Variants in ARFGAP3 observed in about 807,000 individuals in gnomAD.
The protein encoded by ARFGAP3 is ARF GTPase activating protein 3.
A neutral mutation model predicts 75.0 loss-of-function variants in ARFGAP3; 72 were observed. That is an observed-to-expected ratio of 0.96 (90% confidence interval 0.79 to 1.17). ARFGAP3 has a LOEUF of 1.17. Ranked by LOEUF, ARFGAP3 falls within the 50% of genes most tolerant of loss-of-function variation. The pLI, the probability that ARFGAP3 is intolerant of heterozygous loss-of-function variation, is 0.00. For synonymous variants in ARFGAP3, 221 were observed against 217.9 expected (o/e 1.01, Z -0.13); for missense variants, 620 against 626.6 (o/e 0.99, Z 0.11).
Position 42,799,162 on chromosome 22 carries a change from T to C in ARFGAP3, c.1412-2A>G. On this transcript the variant is annotated splice_acceptor_variant, in intron 14 of 15. Coordinates refer to ENST00000263245, the MANE Select transcript of ARFGAP3 (RefSeq NM_014570.5). LOFTEE classifies it high-confidence loss of function. ...GCACACTGGACAGGCTGTAGTTCCCTGCACACACACAGCAGACACTGTCTC... is the reference window on the plus strand; with the variant it reads ...GCACACTGGACAGGCTGTAGTTCCCCGCACACACACAGCAGACACTGTCTC... 1 of 1,613,982 alleles carries C rather than the reference T, an allele frequency of 6.2e-7. No homozygotes were observed. Among genetic ancestry groups the C allele is most frequent in the Non-Finnish European group, 8.5e-7 (1 of 1,179,940 alleles).
At chr22:42,809,703 T>C (rs1453709377) in intron 12 of ARFGAP3, among the ~76,000 whole-genome samples, 3 of 152,106 alleles carry the variant, frequency 2.0e-5, no homozygotes, top group East Asian at 1.9e-4. Flanking sequence ...AAATAATACC[T>C]TAAAATTGGG....
chr22:42,834,405 A>G, intron 4 of ARFGAP3, 80 bp from the exon 5 acceptor site: 1 of 1,556,714 alleles, frequency 6.4e-7, no homozygotes, highest in Non-Finnish European at 8.7e-7. Flanking sequence ...CACTTCCCTT[A>G]GAGACCTGTT....
chr22:42,833,584 C>G (rs1333763652), intron 5 of ARFGAP3, among the ~76,000 whole-genome samples: 1 of 152,176 alleles, frequency 6.6e-6, no homozygotes, highest in Non-Finnish European at 1.5e-5. Flanking sequence ...GGTGAAACCT[C>G]GTCTCTACTA....
At chr22:42,826,904 A>G (rs745717241) in intron 7 of ARFGAP3, 36 bp downstream of exon 7, 15 of 1,591,176 alleles carry the variant, frequency 9.4e-6, no homozygotes, top group African/African-American at 1.3e-5. Context: ...TGAGTCATAC[A>G]CTTTAAATCA....
rs558485093 is a variant in ARFGAP3 at position 42,805,962 on chromosome 22, AGT to A, written c.1411+1109_1411+1110del. Among the ~76,000 whole-genome samples the A allele has an allele frequency of 3.3e-3, 500 of 152,344 alleles. 4 individuals are homozygous for A. Among genetic ancestry groups the A allele is most frequent in the African/African-American group, 0.012 (485 of 41,582 alleles). On this transcript the variant is annotated intron_variant, in intron 14 of 15. Transcript: ENST00000263245. ...GTGCCCACTGCACCCCGAGGGCCAC[AGT>A]GTGTCTCTATAACATCCCCAAACCA...
intron 1 of ARFGAP3, among the ~76,000 whole-genome samples, chr22:42,856,105 T>C (rs1318176018): frequency 2.6e-5 from 4 of 152,088 alleles, no homozygotes; most frequent in Admixed American, 6.6e-5. Flanking sequence ...CACTGGAGAA[T>C]TCCTGGAGCC....
chr22:42,804,758 C>T lies in ARFGAP3; in HGVS notation c.1411+2315G>A, dbSNP rs529269980. The stretch of plus-strand genomic sequence containing the variant: ...CTTGAACTCTCGACCTCAGGTGATC[C>T]GCCTACCTCGGCCTCCCAAAGTGTT... On this transcript the variant is annotated intron_variant, in intron 14 of 15. Transcript: ENST00000263245. Among the ~76,000 whole-genome samples, 8 of 152,208 alleles carry T rather than the reference C, an allele frequency of 5.3e-5. No individual in the cohort carries two copies. The East Asian group carries it at 1.2e-3, about 22-fold the overall frequency.
chr22:42,850,700 C>A (rs1324641773), intron 1 of ARFGAP3, among the ~76,000 whole-genome samples: 1 of 149,640 alleles, frequency 6.7e-6, no homozygotes, highest in African/African-American at 2.5e-5. Flanking sequence ...AAGGGCAATA[C>A]AAGAGAGGAA....
Position 42,834,258 on chromosome 22 carries a change from GA to G in ARFGAP3, c.460del (p.Ser154LeufsTer7). On this transcript the variant is annotated frameshift_variant, in exon 5 of 16. Transcript: ENST00000263245. LOFTEE classifies it high-confidence loss of function. ...PPPKEEDFFA[S>X]HVSPEVSDTA... ...AATACATACCTCAGGAGAAACGTGA[GA>G]GGCAAAAAAATCTTCCTCCTTTGGT... The G allele has an allele frequency of 1.2e-6, 2 of 1,613,876 alleles. No homozygotes were observed. Among genetic ancestry groups the G allele is most frequent in the Non-Finnish European group, 1.7e-6 (2 of 1,179,958 alleles).
At chr22:42,823,479 A>G (rs183250805) in intron 8 of ARFGAP3, among the ~76,000 whole-genome samples, 177 bp downstream of exon 8, 255 of 152,102 alleles carry the variant, frequency 1.7e-3, no homozygotes, top group Non-Finnish European at 2.4e-3. Flanking sequence ...AAAAAATTCA[A>G]TAAGTATAAC....
At chr22:42,838,865 C>T (rs1471740094) in intron 3 of ARFGAP3, among the ~76,000 whole-genome samples, 1 of 151,958 alleles carries the variant, frequency 6.6e-6, no homozygotes, top group Non-Finnish European at 1.5e-5. Flanking sequence ...AATCCCAGCA[C>T]TCTGGGAGGC....
chr22:42,800,979 T>G (rs1447324053), intron 14 of ARFGAP3, among the ~76,000 whole-genome samples: 1 of 152,204 alleles, frequency 6.6e-6, no homozygotes. Flanking sequence ...CAGACCTGCT[T>G]TTCCACAGCT....
At chr22:42,847,333 T>C in intron 2 of ARFGAP3, 181 bp downstream of exon 2, 1 of 547,882 alleles carries the variant, frequency 1.8e-6, no homozygotes. Flanking sequence ...CACCACAACA[T>C]TTTTTATTTT....
intron 2 of ARFGAP3, 35 bp downstream of exon 2, chr22:42,847,479 A>G (rs1927072233): frequency 6.4e-7 from 1 of 1,556,322 alleles, no homozygotes; most frequent in South Asian, 1.1e-5. Context: ...TAACAATGTA[A>G]TCAATCTCAC....
rs891760368 is a variant in ARFGAP3, at chr22:42,845,993, G to A, written c.188+1521C>T. ...GTGGAGGTTGCAGTGAGCTGAGATCGCGCCATTGCACTCCAGCTTGGGCGA... is the reference window on the plus strand; with the variant it reads ...GTGGAGGTTGCAGTGAGCTGAGATCACGCCATTGCACTCCAGCTTGGGCGA... On this transcript the variant is annotated intron_variant, in intron 2 of 15. Coordinates refer to ENST00000263245, the MANE Select transcript of ARFGAP3 (RefSeq NM_014570.5). 8.5e-5 allele frequency among the ~76,000 whole-genome samples: 12 copies of A among 140,838 alleles called. No individual in the cohort carries two copies. The South Asian group carries it at 1.3e-3, about 16-fold the overall frequency. 92.4% of individuals were successfully genotyped at this position (140,838 alleles called of 152,430 possible).
chr22:42,815,753 G>A (rs971040600), intron 11 of ARFGAP3, among the ~76,000 whole-genome samples: 2 of 152,154 alleles, frequency 1.3e-5, no homozygotes, highest in Admixed American at 6.6e-5. Flanking sequence ...AACACCTTCA[G>A]TTTTCATGAA....
intron 15 of ARFGAP3, among the ~76,000 whole-genome samples, chr22:42,797,957 A>T (rs918623755): frequency 3.3e-5 from 5 of 152,306 alleles, no homozygotes; most frequent in Admixed American, 2.0e-4. Context: ...AGACAAAGGA[A>T]CACATTTGGT....
intron 14 of ARFGAP3, among the ~76,000 whole-genome samples, chr22:42,801,093 G>A (rs1924835800): frequency 6.6e-6 from 1 of 152,218 alleles, no homozygotes; most frequent in Admixed American, 6.5e-5. Context: ...ACAGCTGGGA[G>A]GTGGCTGCAG....
chr22:42,823,065 C>A (rs1925881632), intron 8 of ARFGAP3, among the ~76,000 whole-genome samples: 1 of 152,148 alleles, frequency 6.6e-6, no homozygotes, highest in African/African-American at 2.4e-5. Context: ...CTGCCTCGGC[C>A]TCCCAAAGTG....
Sources: allele counts gnomAD v4.1 joint callset (sites outside exome capture counted in the v4.1 genomes callset), GRCh38; gene constraint gnomAD v4.1.1; transcripts MANE v1.5; gene names NCBI Gene and HGNC (gene_info 2026-07-23, HGNC 2026-07-21).